Variants in GUCD1 observed in about 807,000 individuals in gnomAD.
GUCD1 encodes guanylyl cyclase domain containing 1, also known as protein GUCD1.
A neutral mutation model predicts 28.3 loss-of-function variants in GUCD1; 17 were observed. The observed-to-expected ratio is 0.60, with a 90% CI of 0.41 to 0.90. The LOEUF is 0.90. Among genes scored for constraint, GUCD1 ranks in the 40% least tolerant of loss-of-function variants. The probability of loss-of-function intolerance (pLI) is 0.00; values close to 1 mark genes in which losing one functional copy is unlikely to be tolerated. For synonymous variants in GUCD1, 129 were observed against 123.3 expected, an observed-to-expected ratio of 1.05 and a Z score of -0.30; for missense variants, 279 against 305.5, an observed-to-expected ratio of 0.91 and a Z score of 0.65.
chr22:24,547,441 T>C (rs75978243), intron 3 of GUCD1: 2,979 of 188,106 alleles, frequency 0.016, 95 homozygotes, highest in African/African-American at 0.066. Context: ...GGCATTATTT[T>C]TCAAAAGGCA....
rs778352390 is a variant in GUCD1 at position 24,548,068 on chromosome 22, A to G, written c.134T>C (p.Leu45Pro). Residue 45 changes from leucine (L) to proline (P), a missense_variant, in exon 3 of 6, where the codon CTG becomes CCG. Coordinates refer to ENST00000435822, the MANE Select transcript of GUCD1 (RefSeq NM_001284254.2). ...AAACTCACTGTCGTCCAGCTGGCCC[A>G]GGTACCTGCAGGTAGACGAGCTGGG... ...LACSRMVLRY[L>P]GQLDDSEFER... 6.2e-7 allele frequency: 1 copy of G among 1,613,546 alleles called. No homozygotes were observed. The highest frequency in any genetic ancestry group is 8.5e-7 in the Non-Finnish European group (1 of 1,179,748).
chr22:24,546,792 C>G (rs1192621836), intron 4 of GUCD1, 122 bp downstream of exon 4: 9 of 851,010 alleles, frequency 1.1e-5, no homozygotes, highest in Admixed American at 2.0e-5. Context: ...ACCCGGGTAG[C>G]CAGTTCTGCC....
chr22:24,548,138 C>T, intron 2 of GUCD1, 65 bp from the exon 3 acceptor site: 5 of 1,405,864 alleles, frequency 3.6e-6, no homozygotes, highest in Non-Finnish European at 5.0e-6. Flanking sequence ...AGTCACCCTC[C>T]ACCCACTGGC....
chr22:24,555,153 G>C (rs993066949), upstream of GUCD1: 8 of 1,303,666 alleles, frequency 6.1e-6, no homozygotes, highest in Admixed American at 1.6e-4. Context: ...CGCCCCAAGC[G>C]CCGCCCCAGC....
chr22:24,554,564 A>C (rs988239741), intron 1 of GUCD1, among the ~76,000 whole-genome samples: 4 of 152,236 alleles, frequency 2.6e-5, no homozygotes, highest in Non-Finnish European at 4.4e-5. Context: ...AGAGAGAACG[A>C]AAGTGAAGAA....
At chr22:24,550,448 C>T (rs1221015703) in intron 1 of GUCD1, among the ~76,000 whole-genome samples, 1 of 152,208 alleles carries the variant, frequency 6.6e-6, no homozygotes, top group Non-Finnish European at 1.5e-5. Flanking sequence ...CAGGACCCTC[C>T]TCCGTAGCCA....
At chr22:24,546,262 C>G (rs554572778) in intron 4 of GUCD1, among the ~76,000 whole-genome samples, 1 of 152,222 alleles carries the variant, frequency 6.6e-6, no homozygotes, top group African/African-American at 2.4e-5. Flanking sequence ...CGCCCGGCCC[C>G]CAAACCCCCA....
Position 24,543,998 on chromosome 22 carries a change from C to T in GUCD1, c.472G>A (p.Asp158Asn), listed in dbSNP as rs1361326355. 5.6e-6 allele frequency: 9 copies of T among 1,613,942 alleles called. No individual in the cohort carries two copies. Among genetic ancestry groups the T allele is most frequent in the Admixed American group, 1.7e-5 (1 of 59,992 alleles). ...VLVNSGVLHC[D>N]LCSSPVKYCC... ...TACTTGACAGGGCTGGAGCACAGGT[C>T]ACAGTGCAGCACCCCCGAGTTCACC... The change falls in exon 5 of 6, where the codon GAC becomes AAC. Residue 158 changes from aspartate to asparagine, a missense_variant. Transcript: ENST00000435822.
intron 1 of GUCD1, among the ~76,000 whole-genome samples, chr22:24,550,231 TC>T (rs2044836365): frequency 6.6e-6 from 1 of 152,128 alleles, no homozygotes; most frequent in Non-Finnish European, 1.5e-5. Context: ...AACAAATATT[TC>T]CCAAAAGCCT....
chr22:24,543,706 G>T, intron 5 of GUCD1, 136 bp downstream of exon 5: 1 of 1,132,940 alleles, frequency 8.8e-7, no homozygotes, highest in Non-Finnish European at 1.3e-6. Context: ...AGCCCAGGAG[G>T]AGCAGGGGCT....
chr22:24,554,900 G>C (rs976567290), intron 1 of GUCD1, 49 bp downstream of exon 1: 2 of 1,432,772 alleles, frequency 1.4e-6, no homozygotes, highest in East Asian at 2.5e-5. Context: ...CTAGGGAGGG[G>C]TCCCTTTCGT....
Position 24,544,069 on chromosome 22 carries a change from T to A in GUCD1, c.401A>T (p.Lys134Met). The change falls in exon 5 of 6, where the codon AAG (lysine) becomes ATG (methionine). Residue 134 changes from lysine to methionine, a missense_variant. Lys to Met is a moderately conservative substitution (Grantham distance 95). Coordinates refer to ENST00000435822, the MANE Select transcript of GUCD1 (RefSeq NM_001284254.2). The part of the protein sequence containing the change: ...VLVEKCTVSV[K>M]DIQAHLAQGH... ...CTGAGCCAGGTGCGCCTGGATGTCC[T>A]TCACACTCACTGTGCTGTGGGCGGG... 6.2e-7 allele frequency: 1 copy of A among 1,609,944 alleles called. No individual in the cohort carries two copies. The highest frequency in any genetic ancestry group is 8.5e-7 in the Non-Finnish European group (1 of 1,176,682).
chr22:24,547,758 C>T, intron 3 of GUCD1, 150 bp downstream of exon 3: 1 of 771,092 alleles, frequency 1.3e-6, no homozygotes, highest in Non-Finnish European at 2.1e-6. Context: ...CTGCCTATAG[C>T]CTCTCTGCTG....
In GUCD1 at chr22:24,554,357, T is replaced by G. The variant is rs561475959; in HGVS notation, c.43+592A>C. Among the ~76,000 whole-genome samples the G allele has an allele frequency of 4.3e-4, 65 of 152,228 alleles. 1 individual carries two copies. Among genetic ancestry groups the G allele is most frequent in the Non-Finnish European group, 6.2e-4 (42 of 68,038 alleles). On this transcript the variant is annotated intron_variant, in intron 1 of 5. Transcript: ENST00000435822. ...ACCTGAAGGTCAGGGTCCCACATGC[T>G]GTTGACCTCTTCCACAGTTGGCACT...
At chr22:24,543,199 T>C (rs1242307400) in intron 5 of GUCD1, 102 bp from the exon 6 acceptor site, 2 of 817,702 alleles carry the variant, frequency 2.4e-6, no homozygotes, top group Non-Finnish European at 2.1e-6. Context: ...CTGTTTCCCA[T>C]CCACATGGCC....
upstream of GUCD1, chr22:24,555,367 T>G: frequency 7.5e-7 from 1 of 1,339,024 alleles, no homozygotes; most frequent in African/African-American, 1.5e-5. Context: ...CCCCTTTCTT[T>G]GAGCCCCGCC....
chr22:24,541,333 G>A lies in GUCD1; in HGVS notation c.*1673C>T, dbSNP rs139156002. 9.6e-3 allele frequency: 1,469 copies of A among 152,488 alleles called. 7 individuals are homozygous for A. Among genetic ancestry groups the A allele is most frequent in the Non-Finnish European group, 0.016 (1,070 of 68,132 alleles). 9.4% of individuals were successfully genotyped at this position (152,488 alleles called of 1,614,324 possible). ...GGCATTGGAAGAGCAGGACCCAGGA[G>A]TGCAGGGATGGTATCACTGTTGCCC... On this transcript the variant is annotated 3_prime_UTR_variant, in exon 6 of 6. Transcript: ENST00000435822.
chr22:24,546,829 A>G lies in GUCD1; in HGVS notation c.386+85T>C, dbSNP rs1408683821. The G allele has an allele frequency of 2.4e-6, 3 of 1,243,842 alleles. No homozygotes were observed. In the African/African-American group the frequency reaches 4.4e-5, roughly 18 times the overall value. 77.1% of individuals were successfully genotyped at this position (1,243,842 alleles called of 1,614,324 possible). A position where few individuals can be genotyped will look rare whatever the true frequency, so the allele number is the denominator to read the frequency against. On this transcript the variant is annotated intron_variant, in intron 4 of 5. Transcript: ENST00000435822. ...GGCTCCAGAGTCCTAGCCTTTCCTG[A>G]ACACCATCCCGAGGCCTCCCCACTG...
At chr22:24,555,718 C>T, upstream of GUCD1, 1 of 1,550,684 alleles carries the variant, frequency 6.4e-7, no homozygotes, top group Admixed American at 2.0e-5. Context: ...CGCGTCTCCG[C>T]CTTGCCGTCC....
Sources: allele counts gnomAD v4.1 joint callset (sites outside exome capture counted in the v4.1 genomes callset), GRCh38; gene constraint gnomAD v4.1.1; transcripts MANE v1.5; gene names NCBI Gene and HGNC (gene_info 2026-07-23, HGNC 2026-07-21).